Variants in CXCL13 observed in about 807,000 individuals in gnomAD.
The protein encoded by CXCL13 is C-X-C motif chemokine ligand 13.
CXCL13 carries 7 observed loss-of-function variants against 12.2 expected under a neutral mutation model. The ratio of observed to expected loss-of-function variants is 0.57; its 90% CI spans 0.33 to 1.07. CXCL13 has a LOEUF of 1.07. Among genes scored for constraint, CXCL13 ranks in the 50% least tolerant of loss-of-function variants. The probability of loss-of-function intolerance (pLI) is 0.04; values close to 1 mark genes in which losing one functional copy is unlikely to be tolerated. For synonymous variants in CXCL13, 47 were observed against 42.4 expected (o/e 1.11, Z -0.42); for missense variants, 113 against 127.4 (o/e 0.89, Z 0.55).
intron 1 of CXCL13, among the ~76,000 whole-genome samples, chr4:77,567,539 T>A (rs1178627181): frequency 2.6e-5 from 4 of 152,066 alleles, no homozygotes; most frequent in African/African-American, 9.7e-5. Flanking sequence ...CAGCATGAGG[T>A]CAAGACAGGA....
In CXCL13 at chr4:77,610,914, T is replaced by G. The variant is rs17002746; in HGVS notation, c.279-74T>G. ...AGTATACATAAGAGTCCTTGCCCGG[T>G]ATCTCCAGAGGAAAGCCACAGTTTC... is the stretch of plus-strand genomic sequence containing the variant. On this transcript the variant is annotated intron_variant, in intron 3 of 3. Coordinates refer to ENST00000682537, the MANE Select transcript of CXCL13 (RefSeq NM_001371558.1). 2,607 of 1,340,080 alleles carry G rather than the reference T, an allele frequency of 1.9e-3. 44 individuals are homozygous for G. In the African/African-American group the frequency reaches 0.033, roughly 17 times the overall value. The allele number at this position is 1,340,080 out of a possible 1,614,324, so 83.0% of individuals were successfully genotyped here. A position where few individuals can be genotyped will look rare whatever the true frequency, so the allele number is the denominator to read the frequency against.
intron 1 of CXCL13, among the ~76,000 whole-genome samples, chr4:77,551,146 G>A (rs758942081): frequency 3.3e-5 from 5 of 152,174 alleles, no homozygotes; most frequent in East Asian, 3.8e-4. Context: ...ATTGATATGT[G>A]AAGTTTTCAT....
intron 1 of CXCL13, among the ~76,000 whole-genome samples, chr4:77,522,214 T>C (rs1218806084): frequency 2.0e-5 from 3 of 152,124 alleles, no homozygotes; most frequent in Non-Finnish European, 4.4e-5. Context: ...GTTCTGTAGA[T>C]GTCTATTAGG....
At chr4:77,542,422 A>G (rs1341861631) in intron 1 of CXCL13, among the ~76,000 whole-genome samples, 2 of 151,796 alleles carry the variant, frequency 1.3e-5, no homozygotes, top group Non-Finnish European at 2.9e-5. Context: ...CTCTGAAGGG[A>G]TTTTTGGTCT....
intron 1 of CXCL13, among the ~76,000 whole-genome samples, chr4:77,546,663 T>TATCA (rs1234278473): frequency 6.6e-6 from 1 of 151,584 alleles, no homozygotes; most frequent in Non-Finnish European, 1.5e-5. Flanking sequence ...GCTAGCGGTC[T>TATCA]ATTTTGTTGA....
chr4:77,519,084 G>A (rs1030251288), intron 1 of CXCL13, among the ~76,000 whole-genome samples: 1 of 152,208 alleles, frequency 6.6e-6, no homozygotes, highest in African/African-American at 2.4e-5. Context: ...CTGGGTATCA[G>A]CAGCGGTGTC....
chr4:77,585,159 C>G (rs998749055), intron 1 of CXCL13, among the ~76,000 whole-genome samples: 1 of 152,124 alleles, frequency 6.6e-6, no homozygotes, highest in Non-Finnish European at 1.5e-5. Flanking sequence ...TGGAAACAGG[C>G]TTTATCAAAG....
chr4:77,589,760 T>C (rs1374182547), intron 1 of CXCL13, among the ~76,000 whole-genome samples: 1 of 152,198 alleles, frequency 6.6e-6, no homozygotes, highest in African/African-American at 2.4e-5. Flanking sequence ...TATGCTTTTC[T>C]GGAGACATGG....
At chr4:77,528,477 G>A (rs568229248) in intron 1 of CXCL13, among the ~76,000 whole-genome samples, 5 of 152,304 alleles carry the variant, frequency 3.3e-5, no homozygotes, top group Middle Eastern at 3.4e-3. Context: ...ATTCTAAGTG[G>A]TGTGAGATGG....
At chr4:77,536,153 G>C (rs1725052929) in intron 1 of CXCL13, among the ~76,000 whole-genome samples, 1 of 152,116 alleles carries the variant, frequency 6.6e-6, no homozygotes, top group Admixed American at 6.6e-5. Context: ...TTTGGGGGCA[G>C]GAAATAGAGT....
intron 1 of CXCL13, among the ~76,000 whole-genome samples, chr4:77,517,670 C>T (rs1001905517): frequency 2.0e-5 from 3 of 152,164 alleles, no homozygotes; most frequent in Non-Finnish European, 4.4e-5. Context: ...GTAGATCTTC[C>T]TCCATCCCTT....
At chr4:77,606,448 C>T (rs1310023863) in intron 1 of CXCL13, among the ~76,000 whole-genome samples, 1 of 152,172 alleles carries the variant, frequency 6.6e-6, no homozygotes, top group Non-Finnish European at 1.5e-5. Context: ...GGGCAGCTAT[C>T]TTTGTGTCAA....
chr4:77,523,905 C>T (rs531363964), intron 1 of CXCL13, among the ~76,000 whole-genome samples: 19 of 151,888 alleles, frequency 1.3e-4, no homozygotes, highest in Non-Finnish European at 2.2e-4. Flanking sequence ...GTGTAGATGT[C>T]CTTTTGTTGA....
At chr4:77,553,117 C>T (rs1725573539) in intron 1 of CXCL13, among the ~76,000 whole-genome samples, 1 of 152,184 alleles carries the variant, frequency 6.6e-6, no homozygotes, top group African/African-American at 2.4e-5. Context: ...CCAGCAATGA[C>T]ACATACACAC....
intron 1 of CXCL13, among the ~76,000 whole-genome samples, chr4:77,531,651 A>C (rs1253325735): frequency 6.6e-6 from 1 of 151,988 alleles, no homozygotes; most frequent in Non-Finnish European, 1.5e-5. Context: ...TGGGGTATTA[A>C]AGTCTCCCAT....
chr4:77,569,926 C>A (rs1326688218), intron 1 of CXCL13, among the ~76,000 whole-genome samples: 2 of 152,130 alleles, frequency 1.3e-5, no homozygotes, highest in Non-Finnish European at 2.9e-5. Context: ...CAAAAACAGA[C>A]ACATAGGCCA....
chr4:77,566,921 C>G lies in CXCL13; in HGVS notation c.-42-38903C>G, dbSNP rs566667292. Reference sequence around the variant, plus strand: ...TGAGCCCAAGCTAAGCCATCATATCCCCTGTGACCTGCACCTATACATCCA... The same window carrying G: ...TGAGCCCAAGCTAAGCCATCATATCGCCTGTGACCTGCACCTATACATCCA... On this transcript the variant is annotated intron_variant, in intron 1 of 4. Transcript: ENST00000286758. Among the ~76,000 whole-genome samples, 4 of 152,260 alleles carry G rather than the reference C, an allele frequency of 2.6e-5. No individual in the cohort carries two copies. The East Asian group carries it at 5.8e-4, about 22-fold the overall frequency.
intron 1 of CXCL13, among the ~76,000 whole-genome samples, chr4:77,541,332 CTGA>C (rs1372009517): frequency 6.6e-6 from 1 of 152,148 alleles, no homozygotes; most frequent in Non-Finnish European, 1.5e-5. Context: ...TTTCCCAAGG[CTGA>C]TGTCCAGAAT....
intron 1 of CXCL13, among the ~76,000 whole-genome samples, chr4:77,541,633 A>G (rs551701686): frequency 3.1e-4 from 47 of 152,272 alleles, no homozygotes; most frequent in Middle Eastern, 3.4e-3. Context: ...TGTAGTTTGA[A>G]GTCAGGTAGT....
Sources: gnomAD v4.1 joint callset for allele counts (sites outside exome capture counted in the v4.1 genomes callset) on GRCh38, gnomAD v4.1.1 for gene constraint, MANE v1.5 for transcripts, NCBI Gene and HGNC (gene_info 2026-07-23, HGNC 2026-07-21) for gene names.